The following SLC16A10 variants were observed in gnomAD, a reference collection of about 807,000 sequenced individuals.
SLC16A10 encodes monocarboxylate transporter 10.
A neutral mutation model predicts 40.0 loss-of-function variants in SLC16A10; 27 were observed. The ratio of observed to expected loss-of-function variants is 0.67; its 90% CI spans 0.50 to 0.93. The LOEUF (loss-of-function observed/expected upper bound fraction) is 0.93, where lower values mean the gene tolerates loss of function less well. Ranked by LOEUF, SLC16A10 falls within the 40% of genes least tolerant of loss-of-function variation. SLC16A10 has a pLI of 0.00. For missense variants in SLC16A10, 529 were observed against 658.2 expected (o/e 0.80, Z 2.15); for synonymous variants, 213 against 249.8 (o/e 0.85, Z 1.39).
intron 1 of SLC16A10, among the ~76,000 whole-genome samples, chr6:111,123,525 A>G (rs1035742111): frequency 2.0e-5 from 3 of 152,200 alleles, no homozygotes; most frequent in African/African-American, 7.2e-5. Context: ...GTCTAATTTC[A>G]TGAGGACAGA....
chr6:111,161,031 T>C (rs1338171964), intron 1 of SLC16A10, among the ~76,000 whole-genome samples: 1 of 151,918 alleles, frequency 6.6e-6, no homozygotes, highest in African/African-American at 2.4e-5. Context: ...GAAACAAGCC[T>C]GACCAACATG....
chr6:111,162,514 A>T (rs1185710521), intron 1 of SLC16A10, among the ~76,000 whole-genome samples: 1 of 152,204 alleles, frequency 6.6e-6, no homozygotes, highest in Non-Finnish European at 1.5e-5. Context: ...CTGCAAGTCA[A>T]ACTTGATTTC....
chr6:111,197,224 T>C (rs946800690), intron 3 of SLC16A10, among the ~76,000 whole-genome samples: 2 of 152,174 alleles, frequency 1.3e-5, no homozygotes, highest in Non-Finnish European at 2.9e-5. Flanking sequence ...TAGGAGACTT[T>C]GGCAAAGTAG....
intron 1 of SLC16A10, among the ~76,000 whole-genome samples, chr6:111,128,673 C>T (rs941460009): frequency 1.3e-5 from 2 of 151,990 alleles, no homozygotes; most frequent in Non-Finnish European, 2.9e-5. Flanking sequence ...CCTCTGTATT[C>T]AAAAGAGAGT....
At chr6:111,192,619 C>T (rs1194370595) in intron 3 of SLC16A10, among the ~76,000 whole-genome samples, 1 of 152,134 alleles carries the variant, frequency 6.6e-6, no homozygotes, top group Non-Finnish European at 1.5e-5. Context: ...TCTCATGCTG[C>T]TAATAAAGAC....
At chr6:111,128,571 A>C (rs1771719957) in intron 1 of SLC16A10, among the ~76,000 whole-genome samples, 1 of 152,096 alleles carries the variant, frequency 6.6e-6, no homozygotes, top group Admixed American at 6.5e-5. Context: ...ATAACACCAC[A>C]CTCTAAACAT....
At chr6:111,152,950 TGTGTGTGTGCACATGC>T (rs1772198813) in intron 1 of SLC16A10, among the ~76,000 whole-genome samples, 2 of 152,022 alleles carry the variant, frequency 1.3e-5, no homozygotes, top group South Asian at 4.1e-4. Context: ...GGATACAAGG[TGTGTGTGTGCACATGC>T]ATGTGTGTGC....
At position 111,229,137 on chromosome 6, in the gene SLC16A10, G is replaced by T. The variant is rs973719925; in HGVS notation, c.*6902G>T. On this transcript the variant is annotated 3_prime_UTR_variant, in exon 6 of 6. Coordinates refer to ENST00000368851, the MANE Select transcript of SLC16A10 (RefSeq NM_018593.5). ...ACCAAAGATTATTAGATCAAGATTG[G>T]TGCTATACTTCATGTTCCTTTCAAA... The T allele has an allele frequency of 4.6e-5, 7 of 151,458 alleles. No homozygotes were observed. Among genetic ancestry groups the T allele is most frequent in the African/African-American group, 9.7e-5 (4 of 41,180 alleles). The allele number at this position is 151,458 out of a possible 1,614,324, so 9.4% of individuals were successfully genotyped here.
chr6:111,208,150 T>G (rs946694874), intron 4 of SLC16A10, among the ~76,000 whole-genome samples: 52 of 151,702 alleles, frequency 3.4e-4, no homozygotes, highest in Admixed American at 3.4e-3. Flanking sequence ...TGTTTTTTTG[T>G]TTTTTTTCTG....
intron 1 of SLC16A10, among the ~76,000 whole-genome samples, chr6:111,150,966 A>G (rs758053898): frequency 1.3e-5 from 2 of 152,194 alleles, no homozygotes; most frequent in Non-Finnish European, 2.9e-5. Context: ...AAATTTGCAA[A>G]TGTGAGGTAT....
chr6:111,215,501 G>A (rs1214212090), intron 4 of SLC16A10, among the ~76,000 whole-genome samples: 1 of 151,384 alleles, frequency 6.6e-6, no homozygotes, highest in Non-Finnish European at 1.5e-5. Flanking sequence ...ATATATTCCT[G>A]AAAACCTTGT....
chr6:111,172,702 A>G lies in SLC16A10; in HGVS notation c.351A>G (p.Val117=). Residue 117 remains valine (V), a synonymous_variant, in exon 2 of 6, where the codon GTA becomes GTG. Coordinates refer to ENST00000368851, the MANE Select transcript of SLC16A10 (RefSeq NM_018593.5). ...CTTTCCCTTCTTTTACAGCATGGGT[A>G]GGTTCTCTCTCCATGGGGATGATTT... is the stretch of plus-strand genomic sequence containing the variant. The part of the protein sequence containing the change: ...DDKMVFKTAW[V]GSLSMGMIFF... 6.2e-7 allele frequency: 1 copy of G among 1,613,788 alleles called. No homozygotes were observed. The highest frequency in any genetic ancestry group is 2.2e-5 in the East Asian group (1 of 44,876).
chr6:111,138,646 C>CT (rs549418719), intron 1 of SLC16A10, among the ~76,000 whole-genome samples: 105 of 145,268 alleles, frequency 7.2e-4, no homozygotes, highest in Middle Eastern at 3.6e-3. Flanking sequence ...CTATTTGGTG[C>CT]TTTTTTTTTT....
At chr6:111,134,671 C>T (rs886937906) in intron 1 of SLC16A10, among the ~76,000 whole-genome samples, 5 of 151,950 alleles carry the variant, frequency 3.3e-5, no homozygotes, top group South Asian at 2.1e-4. Context: ...GCTTCCAGTG[C>T]GGTCTCAAGG....
At chr6:111,190,314 G>A (rs770226566) in intron 3 of SLC16A10, among the ~76,000 whole-genome samples, 3 of 152,204 alleles carry the variant, frequency 2.0e-5, no homozygotes, top group Non-Finnish European at 4.4e-5. Flanking sequence ...GGCTTTGCAG[G>A]GTACAACCCC....
At chr6:111,195,774 G>T (rs1773070311) in intron 3 of SLC16A10, among the ~76,000 whole-genome samples, 1 of 152,122 alleles carries the variant, frequency 6.6e-6, no homozygotes, top group Non-Finnish European at 1.5e-5. Flanking sequence ...CTGATTCCCA[G>T]TCCAAAGAAG....
intron 1 of SLC16A10, among the ~76,000 whole-genome samples, chr6:111,129,931 A>T (rs2114487242): frequency 6.6e-6 from 1 of 152,328 alleles, no homozygotes; most frequent in East Asian, 1.9e-4. Context: ...CATTGTGTTT[A>T]GTCTGATTGA....
At chr6:111,118,384 G>A (rs73528993) in intron 1 of SLC16A10, among the ~76,000 whole-genome samples, 1,854 of 152,214 alleles carry the variant, frequency 0.012, 26 homozygotes, top group African/African-American at 0.043. Context: ...TCTAGCACCT[G>A]TAAAGATGAA....
chr6:111,139,167 A>T (rs369735422), intron 1 of SLC16A10, among the ~76,000 whole-genome samples: 12 of 148,100 alleles, frequency 8.1e-5, no homozygotes, highest in African/African-American at 3.0e-4. Context: ...TAGTTTGAAG[A>T]GTAATTATTA....
Sources: gnomAD v4.1 joint callset for allele counts (sites outside exome capture counted in the v4.1 genomes callset) on GRCh38, gnomAD v4.1.1 for gene constraint, MANE v1.5 for transcripts, NCBI Gene and HGNC (gene_info 2026-07-23, HGNC 2026-07-21) for gene names.